The following PPIP5K2 variants were observed in gnomAD, a reference collection of about 807,000 sequenced individuals.
PPIP5K2 encodes the protein diphosphoinositol pentakisphosphate kinase 2.
A neutral mutation model predicts 154.6 loss-of-function variants in PPIP5K2; 105 were observed. That is an observed-to-expected ratio of 0.68 (90% CI 0.58 to 0.80). The LOEUF (loss-of-function observed/expected upper bound fraction) is 0.80, where lower values mean the gene tolerates loss of function less well. Among genes scored for constraint, PPIP5K2 ranks in the 30% least tolerant of loss-of-function variants. The pLI is 0.00. For synonymous variants in PPIP5K2, 480 were observed against 490.3 expected (o/e 0.98, Z 0.28); for missense variants, 992 against 1,504.6 (o/e 0.66, Z 5.64).
intron 9 of PPIP5K2, 83 bp downstream of exon 9, chr5:103,151,457 G>A (rs1444744735): frequency 8.6e-7 from 1 of 1,156,460 alleles, no homozygotes; most frequent in African/African-American, 1.5e-5. Flanking sequence ...AATGATCAGG[G>A]TTTTTAAGCA....
intron 23 of PPIP5K2, among the ~76,000 whole-genome samples, chr5:103,178,822 A>T (rs1288808495): frequency 6.6e-6 from 1 of 151,700 alleles, no homozygotes; most frequent in Non-Finnish European, 1.5e-5. Flanking sequence ...TGCACCAAAT[A>T]ATTGTTTTAC....
chr5:103,208,198 C>G lies in PPIP5K2; in HGVS notation c.*6564C>G, dbSNP rs1554232387. ...CTCCACCTTCCAGTTTCAAATGATT[C>G]TCCTCCCTCAGCCTCCAGAGTAGCT... is the stretch of plus-strand genomic sequence containing the variant. On this transcript the variant is annotated 3_prime_UTR_variant, in exon 31 of 31. Transcript: ENST00000358359. The G allele has an allele frequency of 6.6e-6, 1 of 151,612 alleles. No homozygotes were observed. Among genetic ancestry groups the G allele is most frequent in the East Asian group, 2.0e-4 (1 of 5,120 alleles). 9.4% of individuals were successfully genotyped at this position (151,612 alleles called of 1,614,324 possible). A position where few individuals can be genotyped will look rare whatever the true frequency, so the allele number is the denominator to read the frequency against.
chr5:103,175,578 A>C (rs1451296883), intron 21 of PPIP5K2, among the ~76,000 whole-genome samples: 2 of 152,114 alleles, frequency 1.3e-5, no homozygotes, highest in East Asian at 3.9e-4. Context: ...TAAGTATTGG[A>C]TAAAATGACA....
At chr5:103,164,934 C>T (rs1796911292) in intron 17 of PPIP5K2, among the ~76,000 whole-genome samples, 1 of 152,058 alleles carries the variant, frequency 6.6e-6, no homozygotes, top group Non-Finnish European at 1.5e-5. Flanking sequence ...TGGTTTAGAG[C>T]ACCAGTCTGT....
intron 5 of PPIP5K2, among the ~76,000 whole-genome samples, chr5:103,140,218 G>C (rs1440782104): frequency 6.7e-6 from 1 of 149,656 alleles, no homozygotes; most frequent in Non-Finnish European, 1.5e-5. Flanking sequence ...CTCTTAAAGA[G>C]AACATAGATC....
rs187277260 is a variant in PPIP5K2, at chr5:103,201,493, T to G, written c.3620-29T>G. 2.7e-4 allele frequency: 279 copies of G among 1,030,460 alleles called. No homozygotes were observed. In the African/African-American group the frequency reaches 4.7e-3, roughly 17 times the overall value. The allele number at this position is 1,030,460 out of a possible 1,614,324, so 63.8% of individuals were successfully genotyped here. ...TTGTTTGTGTAAATTTAAGCAATAG[T>G]TTTTTTTTTTTGTTTTTGTTTTATG... On this transcript the variant is annotated intron_variant, in intron 30 of 30. Transcript: ENST00000358359.
rs964962821 is a variant in PPIP5K2 at position 103,187,324 on chromosome 5, C to T, written c.3300C>T (p.Arg1100=). The part of the protein sequence containing the change: ...TSSGCIDDAT[R]GSAVKRFSIS... ...TTTTCTCTTTCTTAGACGCCACACGCGGTTCTGCTGTTAAAAGGTTTTCTA... is the reference window on the plus strand; with the variant it reads ...TTTTCTCTTTCTTAGACGCCACACGTGGTTCTGCTGTTAAAAGGTTTTCTA... Residue 1100 remains arginine, a synonymous_variant, in exon 28 of 31, where the codon CGC becomes CGT. Transcript: ENST00000358359. 96 of 1,534,914 alleles carry T rather than the reference C, an allele frequency of 6.3e-5. No homozygotes were observed. The highest frequency in any genetic ancestry group is 7.9e-5 in the Non-Finnish European group (90 of 1,146,058).
rs781954379 is a variant in PPIP5K2, at chr5:103,201,617, A to G, written c.3715A>G (p.Thr1239Ala). 1 of 1,598,396 alleles carries G rather than the reference A, an allele frequency of 6.3e-7. No homozygotes were observed. Among genetic ancestry groups the G allele is most frequent in the African/African-American group, 1.3e-5 (1 of 74,246 alleles). ...KTETHEHKKNTGKKK is the reference protein window; with the variant it reads ...KTETHEHKKNAGKKK ...AGAAACGCATGAACACAAAAAAAAC[A>G]CTGGGAAAAAGAAATGAAATCTTAG... The change falls in exon 31 of 31, where the codon ACT becomes GCT. Residue 1239 changes from threonine to alanine, a missense_variant. Physicochemically the swap from Thr to Ala is moderately conservative, Grantham distance 58. Transcript: ENST00000358359.
intron 28 of PPIP5K2, chr5:103,189,373 C>A: frequency 5.4e-6 from 3 of 552,220 alleles, no homozygotes; most frequent in Non-Finnish European, 9.3e-6. Context: ...TTGTCATTTG[C>A]CTGTTATAAA....
chr5:103,158,342 C>T (rs1795730292), intron 15 of PPIP5K2, 29 bp downstream of exon 15: 2 of 1,598,098 alleles, frequency 1.3e-6, no homozygotes, highest in African/African-American at 2.7e-5. Context: ...TTTAATTTGA[C>T]TAATTTCATA....
rs782654611 is a variant in PPIP5K2 at position 103,208,494 on chromosome 5, A to T, written c.*6860A>T. On this transcript the variant is annotated 3_prime_UTR_variant, in exon 31 of 31. Transcript: ENST00000358359. ...GCTGTTGTAGCCTTTTACTCTCTCC[A>T]GTCAACAAAGATTGGCAACTACAGG... 2 of 152,222 alleles carry T rather than the reference A, an allele frequency of 1.3e-5. No individual in the cohort carries two copies. The highest frequency in any genetic ancestry group is 4.8e-5 in the African/African-American group (2 of 41,448). 9.4% of individuals were successfully genotyped at this position (152,222 alleles called of 1,614,324 possible). A position where few individuals can be genotyped will look rare whatever the true frequency, so the allele number is the denominator to read the frequency against.
rs114098236 is a variant in PPIP5K2 at position 103,140,293 on chromosome 5, A to G, written c.487+1824A>G. The stretch of plus-strand genomic sequence containing the variant: ...TCCAAACCTAAAGAAAGATACGAAT[A>G]TGCATAGGTCATAGAAGAATATGAA... On this transcript the variant is annotated intron_variant, in intron 5 of 30. Coordinates refer to ENST00000358359, the MANE Select transcript of PPIP5K2 (RefSeq NM_001276277.3). Among the ~76,000 whole-genome samples the G allele has an allele frequency of 7.1e-3, 1,075 of 152,330 alleles. 5 individuals are homozygous for G. Among genetic ancestry groups the G allele is most frequent in the Middle Eastern group, 0.054 (16 of 294 alleles).
chr5:103,143,898 T>A (rs1554208182), intron 5 of PPIP5K2, among the ~76,000 whole-genome samples: 1 of 152,026 alleles, frequency 6.6e-6, no homozygotes, highest in East Asian at 1.9e-4. Context: ...TCTACTTTCA[T>A]CTCTTTTATT....
intron 5 of PPIP5K2, among the ~76,000 whole-genome samples, chr5:103,140,155 A>G (rs1792307998): frequency 6.6e-6 from 1 of 152,118 alleles, no homozygotes; most frequent in Admixed American, 6.5e-5. Context: ...ATGTTAAAAA[A>G]AAAAAAAAAA....
chr5:103,127,830 T>A (rs1789951887), intron 1 of PPIP5K2, among the ~76,000 whole-genome samples: 1 of 151,898 alleles, frequency 6.6e-6, no homozygotes, highest in African/African-American at 2.4e-5. Flanking sequence ...ATGGAAAGAG[T>A]AAAAAAATTG....
intron 10 of PPIP5K2, 83 bp downstream of exon 10, chr5:103,152,832 T>C: frequency 2.3e-6 from 2 of 879,734 alleles, no homozygotes; most frequent in African/African-American, 1.7e-5. Context: ...TTCTGAATGA[T>C]GATTAGACAC....
At chr5:103,130,952 A>C (rs1231884426) in intron 2 of PPIP5K2, among the ~76,000 whole-genome samples, 1 of 151,994 alleles carries the variant, frequency 6.6e-6, no homozygotes, top group African/African-American at 2.4e-5. Flanking sequence ...GTAACATCAA[A>C]ATTTTTATTT....
At chr5:103,174,855 T>C (rs1798464945) in intron 21 of PPIP5K2, among the ~76,000 whole-genome samples, 1 of 152,096 alleles carries the variant, frequency 6.6e-6, no homozygotes, top group Non-Finnish European at 1.5e-5. Context: ...CAGCCATCTT[T>C]GGAAAAGACA....
At chr5:103,175,088 C>A (rs1449111547) in intron 21 of PPIP5K2, among the ~76,000 whole-genome samples, 2 of 152,076 alleles carry the variant, frequency 1.3e-5, no homozygotes, top group Non-Finnish European at 2.9e-5. Context: ...GTATACGCAT[C>A]TGTGCACGTC....
Sources: allele counts gnomAD v4.1 joint callset (sites outside exome capture counted in the v4.1 genomes callset), GRCh38; gene constraint gnomAD v4.1.1; transcripts MANE v1.5; gene names NCBI Gene and HGNC (gene_info 2026-07-23, HGNC 2026-07-21).